The following PTPN4 variants were observed in gnomAD, a reference collection of about 807,000 sequenced individuals.
PTPN4 encodes the protein protein tyrosine phosphatase non-receptor type 4.
Under a neutral mutation model 135.5 loss-of-function variants are expected in PTPN4, and 49 were observed. That is an observed-to-expected ratio of 0.36 (90% CI 0.29 to 0.46). The LOEUF is 0.46. Ranked by LOEUF, PTPN4 falls within the 20% of genes least tolerant of loss-of-function variation. PTPN4 has a pLI of 1.00. For synonymous variants in PTPN4, 333 were observed against 369.9 expected (o/e 0.90, Z 1.14); for missense variants, 860 against 1,101.0 (o/e 0.78, Z 3.10).
intron 1 of PTPN4, among the ~76,000 whole-genome samples, chr2:119,775,561 C>T (rs1690820221): frequency 6.6e-6 from 1 of 152,110 alleles, no homozygotes; most frequent in African/African-American, 2.4e-5. Context: ...CTTTAGGGCT[C>T]ATTACACATG....
intron 18 of PTPN4, among the ~76,000 whole-genome samples, chr2:119,947,762 C>CCACACACACACACACA (rs3084728): frequency 4.8e-5 from 7 of 147,142 alleles, no homozygotes; most frequent in Non-Finnish European, 9.0e-5. Context: ...AACACCACTA[C>CCACACACACACACACA]CACACACACA....
Position 119,967,999 on chromosome 2 carries a change from G to A in PTPN4, c.2694+27G>A, listed in dbSNP as rs765213050. The A allele has an allele frequency of 4.7e-6, 7 of 1,473,878 alleles. No homozygotes were observed. The South Asian group carries it at 7.0e-5, about 15-fold the overall frequency. 91.3% of individuals were successfully genotyped at this position (1,473,878 alleles called of 1,614,324 possible). A position where few individuals can be genotyped will look rare whatever the true frequency, so the allele number is the denominator to read the frequency against. ...TGAGTACTGTACTTTATATACAAGT[G>A]TATATTCTTAACATGATGATTTTTG... On this transcript the variant is annotated intron_variant, in intron 26 of 26. Coordinates refer to ENST00000263708, the MANE Select transcript of PTPN4 (RefSeq NM_002830.4).
chr2:119,837,836 C>G (rs1000321945), intron 2 of PTPN4, among the ~76,000 whole-genome samples: 3 of 152,238 alleles, frequency 2.0e-5, no homozygotes, highest in South Asian at 4.1e-4. Context: ...TCGGAAGTCT[C>G]GTGTGTTACA....
rs564688101 is a variant in PTPN4, at chr2:119,937,764, C to T, written c.1355+2806C>T. ...TTTTCATTATTTACCCTCCACTTAA[C>T]ATTTTCCAAAATGTCAGATTGCCAA... On this transcript the variant is annotated intron_variant, in intron 15 of 26. Transcript: ENST00000263708. Among the ~76,000 whole-genome samples, 9 of 152,238 alleles carry T rather than the reference C, an allele frequency of 5.9e-5. No individual in the cohort carries two copies. The South Asian group carries it at 1.7e-3, about 28-fold the overall frequency.
intron 24 of PTPN4, among the ~76,000 whole-genome samples, 178 bp from the exon 25 acceptor site, chr2:119,965,319 C>A (rs1679430832): frequency 6.6e-6 from 1 of 152,142 alleles, no homozygotes; most frequent in African/African-American, 2.4e-5. Context: ...AGGCACCAAC[C>A]AACTATGAGG....
At chr2:119,851,288 G>A (rs1156580024) in intron 2 of PTPN4, among the ~76,000 whole-genome samples, 1 of 152,112 alleles carries the variant, frequency 6.6e-6, no homozygotes, top group African/African-American at 2.4e-5. Flanking sequence ...CTCCTTATAA[G>A]AAAGAATTCC....
intron 2 of PTPN4, among the ~76,000 whole-genome samples, chr2:119,858,922 C>A (rs893292160): frequency 1.3e-5 from 2 of 152,168 alleles, no homozygotes; most frequent in African/African-American, 4.8e-5. Flanking sequence ...GTGTGAGCCA[C>A]CGCACCCGGC....
intron 14 of PTPN4, 26 bp downstream of exon 14, chr2:119,932,575 T>C: frequency 6.4e-7 from 1 of 1,572,578 alleles, no homozygotes; most frequent in Non-Finnish European, 8.6e-7. Flanking sequence ...GTGACCAACA[T>C]CAGGTGTGAA....
intron 10 of PTPN4, 79 bp downstream of exon 10, chr2:119,900,885 TG>T: frequency 1.2e-6 from 1 of 827,124 alleles, no homozygotes; most frequent in East Asian, 3.1e-5. Flanking sequence ...CAGTGGCTGT[TG>T]AACTATTTTA....
intron 1 of PTPN4, among the ~76,000 whole-genome samples, chr2:119,806,908 C>T (rs1345395340): frequency 2.0e-5 from 3 of 152,154 alleles, no homozygotes; most frequent in Non-Finnish European, 4.4e-5. Context: ...CAAATTAGAA[C>T]TCAGGATTAA....
chr2:119,775,024 A>G (rs1448056110), intron 1 of PTPN4, among the ~76,000 whole-genome samples: 2 of 151,166 alleles, frequency 1.3e-5, no homozygotes, highest in African/African-American at 4.9e-5. Context: ...AAAAAAAAAT[A>G]AAAAGAAAAT....
At chr2:119,922,250 G>T (rs1360862218) in intron 12 of PTPN4, among the ~76,000 whole-genome samples, 1 of 150,936 alleles carries the variant, frequency 6.6e-6, no homozygotes, top group Admixed American at 6.6e-5. Context: ...AGATCGGCCG[G>T]GAAGGGAGCA....
chr2:119,859,586 T>C (rs1285263354), intron 2 of PTPN4, among the ~76,000 whole-genome samples: 1 of 152,236 alleles, frequency 6.6e-6, no homozygotes, highest in Non-Finnish European at 1.5e-5. Context: ...TATGTGATGA[T>C]AGCAGTGGAA....
At chr2:119,891,097 A>G (rs1291307872) in intron 9 of PTPN4, among the ~76,000 whole-genome samples, 1 of 152,172 alleles carries the variant, frequency 6.6e-6, no homozygotes, top group Non-Finnish European at 1.5e-5. Flanking sequence ...GCTTGGGGGT[A>G]CAAGTAACAT....
chr2:119,784,916 G>T (rs1322241199), intron 1 of PTPN4, among the ~76,000 whole-genome samples: 1 of 149,890 alleles, frequency 6.7e-6, no homozygotes, highest in Non-Finnish European at 1.5e-5. Flanking sequence ...ATCAGTCTGG[G>T]TTCCTCATCC....
rs778418081 is a variant in PTPN4, at chr2:119,960,932, C to T, written c.2259C>T (p.Thr753=). The T allele has an allele frequency of 6.2e-7, 1 of 1,612,234 alleles. No homozygotes were observed. The highest frequency in any genetic ancestry group is 1.1e-5 in the South Asian group (1 of 90,450). ...GCTCCTCTATGGTTGTAATGTTGAC[C>T]ACACAAGTTGAACGTGGCAGAGTAA... ...EQGSSMVVML[T]TQVERGRVKC... The change falls in exon 23 of 27, where the codon ACC becomes ACT. Residue 753 remains threonine (T), a synonymous_variant. Coordinates refer to ENST00000263708, the MANE Select transcript of PTPN4 (RefSeq NM_002830.4).
At chr2:119,871,388 TAAGAG>T (rs1440769173) in intron 3 of PTPN4, among the ~76,000 whole-genome samples, 13 of 152,000 alleles carry the variant, frequency 8.6e-5, no homozygotes, top group Admixed American at 8.5e-4. Context: ...GAAACCCTCA[TAAGAG>T]AATAGTTGAA....
chr2:119,816,686 A>G (rs1468739499), intron 2 of PTPN4, among the ~76,000 whole-genome samples: 3 of 152,158 alleles, frequency 2.0e-5, no homozygotes, highest in Non-Finnish European at 4.4e-5. Flanking sequence ...GTAGACAGTG[A>G]CACCCAAAGT....
intron 2 of PTPN4, among the ~76,000 whole-genome samples, chr2:119,846,795 C>CAGAT (rs1232395780): frequency 6.6e-6 from 1 of 151,448 alleles, no homozygotes; most frequent in African/African-American, 2.4e-5. Context: ...AGGACTTAAC[C>CAGAT]AGATACATCT....
Sources: allele counts gnomAD v4.1 joint callset (sites outside exome capture counted in the v4.1 genomes callset), GRCh38; gene constraint gnomAD v4.1.1; transcripts MANE v1.5; gene names NCBI Gene and HGNC (gene_info 2026-07-23, HGNC 2026-07-21).